Variants in PDHX observed in about 807,000 individuals in gnomAD.
The protein encoded by PDHX is pyruvate dehydrogenase protein X component, mitochondrial.
In PDHX, 33 loss-of-function variants were observed where a neutral mutation model predicts 55.3. That is an observed-to-expected ratio of 0.60 (90% CI 0.45 to 0.80). PDHX has a LOEUF of 0.80. PDHX is among the 30% of genes least tolerant of loss of function. The pLI, the probability that PDHX is intolerant of heterozygous loss-of-function variation, is 0.00. For synonymous variants in PDHX, 226 were observed against 219.4 expected (o/e 1.03, Z -0.27); for missense variants, 622 against 619.9 (o/e 1.00, Z -0.04).
rs868797751 is a variant in PDHX, at chr11:34,965,294, A to G, written c.642-1346A>G. Reference sequence around the variant, plus strand: ...TTTTCTTTCTAGCTCTCAGCCAAGAACCACTGACAGCTCCCAGAGGCCACG... The same window carrying G: ...TTTTCTTTCTAGCTCTCAGCCAAGAGCCACTGACAGCTCCCAGAGGCCACG... On this transcript the variant is annotated intron_variant, in intron 5 of 10. Coordinates refer to ENST00000227868, the MANE Select transcript of PDHX (RefSeq NM_003477.3). Among the ~76,000 whole-genome samples the G allele has an allele frequency of 5.3e-5, 8 of 152,078 alleles. No individual in the cohort carries two copies. The East Asian group carries it at 1.5e-3, about 29-fold the overall frequency.
rs1229011964 is a variant in PDHX at position 34,960,647 on chromosome 11, T to C, written c.641+129T>C. ...GGTACACTGTTCTTCTTTTGTACTT[T>C]TAATTGCTTTTATCATTGTAAATTG... On this transcript the variant is annotated intron_variant, in intron 5 of 10. Coordinates refer to ENST00000227868, the MANE Select transcript of PDHX (RefSeq NM_003477.3). 1.3e-5 allele frequency: 8 copies of C among 600,334 alleles called. No individual in the cohort carries two copies. The Admixed American group carries it at 2.1e-4, about 16-fold the overall frequency. The allele number at this position is 600,334 out of a possible 1,614,324, so 37.2% of individuals were successfully genotyped here.
chr11:34,971,128 T>C (rs1855249257), intron 7 of PDHX, among the ~76,000 whole-genome samples: 1 of 152,174 alleles, frequency 6.6e-6, no homozygotes, highest in Non-Finnish European at 1.5e-5. Context: ...ATATTCTTCT[T>C]TATACAAATT....
intron 5 of PDHX, 82 bp from the exon 6 acceptor site, chr11:34,966,553 TTTCTC>T (rs1399805953): frequency 1.6e-6 from 2 of 1,226,526 alleles, no homozygotes; most frequent in Non-Finnish European, 2.4e-6. Context: ...TTCTGTATCT[TTTCTC>T]CACATCTCAC....
intron 3 of PDHX, 104 bp downstream of exon 3, chr11:34,947,710 G>C: frequency 1.3e-6 from 1 of 786,482 alleles, no homozygotes; most frequent in South Asian, 1.4e-5. Flanking sequence ...TTTTTAATGT[G>C]TATTGTCTAC....
chr11:34,918,321 C>T (rs1250065345), intron 1 of PDHX, among the ~76,000 whole-genome samples: 1 of 151,844 alleles, frequency 6.6e-6, no homozygotes, highest in Non-Finnish European at 1.5e-5. Flanking sequence ...GCTGGCATCC[C>T]AGCTACTCCA....
intron 2 of PDHX, among the ~76,000 whole-genome samples, chr11:34,939,562 C>G (rs2133954612): frequency 6.6e-6 from 1 of 152,236 alleles, no homozygotes; most frequent in African/African-American, 2.4e-5. Context: ...AGAAAAAACT[C>G]TGGCCCAGGA....
chr11:34,918,256 G>T (rs1164751606), intron 1 of PDHX, among the ~76,000 whole-genome samples: 1 of 150,168 alleles, frequency 6.7e-6, no homozygotes, highest in African/African-American at 2.5e-5. Context: ...GGGCAACAAA[G>T]TGAGACCCCC....
upstream of PDHX, chr11:34,916,176 C>CGCCTGGGCCT: frequency 3.8e-6 from 6 of 1,580,888 alleles, no homozygotes; most frequent in South Asian, 6.9e-5. Flanking sequence ...CGCCGGGTCC[C>CGCCTGGGCCT]GCCTGGGCCT....
At chr11:34,994,707 T>C (rs994608147) in intron 10 of PDHX, among the ~76,000 whole-genome samples, 1 of 152,218 alleles carries the variant, frequency 6.6e-6, no homozygotes, top group African/African-American at 2.4e-5. Context: ...ATTTACTTAT[T>C]AATTTTACTA....
At chr11:34,939,315 A>G (rs980275805) in intron 2 of PDHX, among the ~76,000 whole-genome samples, 1 of 152,254 alleles carries the variant, frequency 6.6e-6, no homozygotes, top group Non-Finnish European at 1.5e-5. Context: ...TTTTCATGAA[A>G]AATGATAGTG....
Position 34,958,921 on chromosome 11 carries a change from T to C in PDHX, c.542+1338T>C, listed in dbSNP as rs752702886. Among the ~76,000 whole-genome samples, 10 of 152,236 alleles carry C rather than the reference T, an allele frequency of 6.6e-5. No homozygotes were observed. In the South Asian group the frequency reaches 2.1e-3, roughly 32 times the overall value. ...TTTGGTTGGTTGGTTACTAATCCTA[T>C]ATAAAAATCTAAAATTTCAGATTCT... On this transcript the variant is annotated intron_variant, in intron 4 of 10. Transcript: ENST00000227868.
intron 5 of PDHX, among the ~76,000 whole-genome samples, chr11:34,964,132 G>T (rs1024277762): frequency 6.6e-6 from 1 of 152,148 alleles, no homozygotes; most frequent in Non-Finnish European, 1.5e-5. Context: ...AATTTGTGTG[G>T]TATATTTTTC....
At chr11:34,966,196 A>G (rs768789148) in intron 5 of PDHX, among the ~76,000 whole-genome samples, 33 of 152,226 alleles carry the variant, frequency 2.2e-4, no homozygotes, top group Admixed American at 3.9e-4. Flanking sequence ...TGAATAAACA[A>G]TAAGTGAACA....
chr11:34,968,097 C>G (rs1466138293), intron 6 of PDHX, among the ~76,000 whole-genome samples: 1 of 151,868 alleles, frequency 6.6e-6, no homozygotes, highest in Non-Finnish European at 1.5e-5. Flanking sequence ...ATAGTGAGAC[C>G]TCATCTCTAC....
intron 9 of PDHX, among the ~76,000 whole-genome samples, chr11:34,988,256 C>T (rs1201934607): frequency 1.3e-5 from 2 of 152,102 alleles, no homozygotes; most frequent in Non-Finnish European, 2.9e-5. Flanking sequence ...AGCGGGCATA[C>T]TTTGTACCAG....
intron 7 of PDHX, among the ~76,000 whole-genome samples, chr11:34,973,395 A>C (rs1855296432): frequency 6.6e-6 from 1 of 152,188 alleles, no homozygotes; most frequent in Admixed American, 6.5e-5. Flanking sequence ...TAAGATGTTT[A>C]GACCGCTCAC....
intron 9 of PDHX, 47 bp downstream of exon 9, chr11:34,984,775 T>C (rs746927267): frequency 2.6e-6 from 4 of 1,567,950 alleles, no homozygotes; most frequent in Middle Eastern, 3.3e-4. Context: ...GCATATACTT[T>C]TGGATAATTA....
At position 34,995,404 on chromosome 11, in the gene PDHX, T is replaced by C. The variant is rs550736007; in HGVS notation, c.*232T>C. On this transcript the variant is annotated 3_prime_UTR_variant, in exon 11 of 11. Coordinates refer to ENST00000227868, the MANE Select transcript of PDHX (RefSeq NM_003477.3). ...TAAAGGAAAGAGAATATTTGGTTACTCAGATCCATTTTTAACCTCTGGTGC... is the reference window on the plus strand; with the variant it reads ...TAAAGGAAAGAGAATATTTGGTTACCCAGATCCATTTTTAACCTCTGGTGC... 1 of 491,144 alleles carries C rather than the reference T, an allele frequency of 2.0e-6. No homozygotes were observed. The highest frequency in any genetic ancestry group is 2.1e-5 in the South Asian group (1 of 48,512). The allele number at this position is 491,144 out of a possible 1,614,324, so 30.4% of individuals were successfully genotyped here.
intron 5 of PDHX, among the ~76,000 whole-genome samples, chr11:34,962,829 A>G (rs1451767306): frequency 3.9e-5 from 6 of 152,198 alleles, no homozygotes; most frequent in African/African-American, 1.4e-4. Context: ...ATGCGCAAAT[A>G]TCTTTTTTTA....
Sources: allele counts gnomAD v4.1 joint callset (sites outside exome capture counted in the v4.1 genomes callset), GRCh38; gene constraint gnomAD v4.1.1; transcripts MANE v1.5; gene names NCBI Gene and HGNC (gene_info 2026-07-23, HGNC 2026-07-21).